The following LY75 variants were observed in gnomAD, a reference collection of about 807,000 sequenced individuals.
The protein encoded by LY75 is lymphocyte antigen 75.
A neutral mutation model predicts 231.7 loss-of-function variants in LY75; 185 were observed. The observed-to-expected ratio is 0.80, with a 90% CI of 0.71 to 0.90. LY75 has a LOEUF of 0.90. Among genes scored for constraint, LY75 ranks in the 40% least tolerant of loss-of-function variants. The pLI, the probability that LY75 is intolerant of heterozygous loss-of-function variation, is 0.00. For synonymous variants in LY75, 668 were observed against 689.0 expected (o/e 0.97, Z 0.48); for missense variants, 1,947 against 2,050.2 (o/e 0.95, Z 0.97).
At chr2:159,876,239 G>A (rs1685263009) in intron 11 of LY75, among the ~76,000 whole-genome samples, 1 of 152,170 alleles carries the variant, frequency 6.6e-6, no homozygotes, top group African/African-American at 2.4e-5. Flanking sequence ...TGTAAATGAA[G>A]ACTAAGTAAC....
chr2:159,852,555 A>G (rs1255130565), intron 20 of LY75, among the ~76,000 whole-genome samples: 1 of 151,852 alleles, frequency 6.6e-6, no homozygotes, highest in Non-Finnish European at 1.5e-5. Flanking sequence ...AGAAGCTGGG[A>G]TTGCAGGTGC....
intron 3 of LY75, among the ~76,000 whole-genome samples, chr2:159,892,356 G>C (rs568157077): frequency 2.0e-5 from 3 of 152,296 alleles, no homozygotes; most frequent in South Asian, 4.1e-4. Context: ...GGACTTCATA[G>C]CCAGACTTCC....
intron 1 of LY75, among the ~76,000 whole-genome samples, chr2:159,901,907 A>C (rs1374831883): frequency 6.6e-6 from 1 of 152,222 alleles, no homozygotes; most frequent in African/African-American, 2.4e-5. Context: ...CTATCCTTTC[A>C]TGATGCTTCC....
rs1191956029 is a variant in LY75, at chr2:159,889,272, A to C, written c.802+941T>G. On this transcript the variant is annotated intron_variant, in intron 4 of 34. Transcript: ENST00000263636. Reference sequence around the variant, plus strand: ...AAGACAAGGTCTTCCTCTATCACTCAGGCTGGAGTGCAGTGATGCCATCAT... The same window carrying C: ...AAGACAAGGTCTTCCTCTATCACTCCGGCTGGAGTGCAGTGATGCCATCAT... Among the ~76,000 whole-genome samples, 3 of 152,206 alleles carry C rather than the reference A, an allele frequency of 2.0e-5. No homozygotes were observed. The East Asian group carries it at 5.8e-4, about 29-fold the overall frequency.
At chr2:159,879,984 T>A (rs1685385850) in intron 8 of LY75, among the ~76,000 whole-genome samples, 1 of 152,214 alleles carries the variant, frequency 6.6e-6, no homozygotes, top group Non-Finnish European at 1.5e-5. Flanking sequence ...TGGAATGCTG[T>A]CTAGGTATGC....
chr2:159,828,051 C>T (rs958534530), intron 28 of LY75, among the ~76,000 whole-genome samples: 3 of 150,954 alleles, frequency 2.0e-5, no homozygotes, highest in Admixed American at 2.0e-4. Context: ...CATGTGTATA[C>T]CTATGTAACA....
At chr2:159,897,324 C>T (rs1685934192) in intron 2 of LY75, among the ~76,000 whole-genome samples, 1 of 152,120 alleles carries the variant, frequency 6.6e-6, no homozygotes, top group South Asian at 2.1e-4. Context: ...TGTGTTTCCT[C>T]TTAGTTGGCA....
intron 1 of LY75, among the ~76,000 whole-genome samples, chr2:159,900,091 T>C (rs1020988292): frequency 6.6e-6 from 1 of 152,038 alleles, no homozygotes; most frequent in Non-Finnish European, 1.5e-5. Flanking sequence ...GTTTGGACAA[T>C]GGAAAACCCA....
At chr2:159,831,514 CAT>C in intron 28 of LY75, among the ~76,000 whole-genome samples, 154 bp downstream of exon 28, 1 of 152,174 alleles carries the variant, frequency 6.6e-6, no homozygotes, top group East Asian at 1.9e-4. Flanking sequence ...AGAGCAGAGA[CAT>C]AAAAACTGTC....
At chr2:159,887,116 T>C (rs906800458) in intron 4 of LY75, among the ~76,000 whole-genome samples, 2 of 147,592 alleles carry the variant, frequency 1.4e-5, no homozygotes, top group Non-Finnish European at 3.0e-5. Flanking sequence ...AATATATATA[T>C]ATATTATATA....
Position 159,808,496 on chromosome 2 carries a change from T to C in LY75, c.4775A>G (p.Asn1592Ser), listed in dbSNP as rs1160739835. 5 of 1,613,860 alleles carry C rather than the reference T, an allele frequency of 3.1e-6. No homozygotes were observed. Among genetic ancestry groups the C allele is most frequent in the Non-Finnish European group, 3.4e-6 (4 of 1,179,982 alleles). The change falls in exon 33 of 35, where the codon AAT becomes AGT. Residue 1592 changes from asparagine to serine, a missense_variant. Coordinates refer to ENST00000263636, the MANE Select transcript of LY75 (RefSeq NM_002349.4). ...AAGCCAAACTCTCATGGTAATGTTATTATTTTCCCTCATCAGTCTGCTCAC... is the reference window on the plus strand; with the variant it reads ...AAGCCAAACTCTCATGGTAATGTTACTATTTTCCCTCATCAGTCTGCTCAC... ...KFVSRLMREN[N>S]NITMRVWLGL...
intron 18 of LY75, among the ~76,000 whole-genome samples, 197 bp from the exon 19 acceptor site, chr2:159,853,894 T>C (rs1365019369): frequency 1.3e-5 from 2 of 152,238 alleles, no homozygotes; most frequent in African/African-American, 4.8e-5. Context: ...GATCCTATTG[T>C]GGGTACAGGA....
At chr2:159,875,202 G>T (rs1394212693) in intron 12 of LY75, among the ~76,000 whole-genome samples, 1 of 151,734 alleles carries the variant, frequency 6.6e-6, no homozygotes, top group African/African-American at 2.4e-5. Context: ...GGGAAAAAAA[G>T]ACCTTGGGGT....
At position 159,875,499 on chromosome 2, in the gene LY75, TC is replaced by T; in HGVS notation, c.1918del (p.Asp640MetfsTer27). ...CTGCCAGCCTTCAGGACAGGGGTCA[TC>T]AGGCTTAGGGGATGCTTCTTCAGGC... Reference protein sequence around the residue: ...LGPEEASPKPDDPCPEGWQSF... With the variant: ...LGPEEASPKPXDPCPEGWQSF... On this transcript the variant is annotated frameshift_variant, in exon 12 of 35. Transcript: ENST00000263636. LOFTEE classifies it high-confidence loss of function. 6.2e-7 allele frequency: 1 copy of T among 1,614,060 alleles called. No homozygotes were observed. Among genetic ancestry groups the T allele is most frequent in the Non-Finnish European group, 8.5e-7 (1 of 1,179,976 alleles).
Position 159,890,386 on chromosome 2 carries a change from A to C in LY75, c.638-9T>G, listed in dbSNP as rs752260694. 6.2e-7 allele frequency: 1 copy of C among 1,612,574 alleles called. No individual in the cohort carries two copies. Among genetic ancestry groups the C allele is most frequent in the Non-Finnish European group, 8.5e-7 (1 of 1,179,422 alleles). On this transcript the variant is annotated splice_polypyrimidine_tract_variant and intron_variant, in intron 3 of 34. Coordinates refer to ENST00000263636, the MANE Select transcript of LY75 (RefSeq NM_002349.4). ...ATCTTCACAACCGTTTTCTGTTGAT[A>C]AAGACACGTTAGTGATCATAAAGTA...
At chr2:159,874,190 ATATAT>A (rs1685120114) in intron 12 of LY75, among the ~76,000 whole-genome samples, 1 of 115,104 alleles carries the variant, frequency 8.7e-6, no homozygotes, top group East Asian at 2.6e-4. Flanking sequence ...ATATATATAA[ATATAT>A]TGTAAATATA....
rs546065723 is a variant in LY75, at chr2:159,902,302, G to A, written c.94+2287C>T. On this transcript the variant is annotated intron_variant, in intron 1 of 34. Transcript: ENST00000263636. The stretch of plus-strand genomic sequence containing the variant: ...CCTCATTACCCCCTAGATGCATTTT[G>A]TATATGCTTCATGTTATATAAATTC... 1.2e-4 allele frequency: 18 copies of A among 152,260 alleles called. 1 individual carries two copies. In the South Asian group the frequency reaches 3.7e-3, roughly 32 times the overall value. 9.4% of individuals were successfully genotyped at this position (152,260 alleles called of 1,614,324 possible).
Position 159,860,849 on chromosome 2 carries a change from T to A in LY75, c.2240A>T (p.Tyr747Phe), listed in dbSNP as rs754421330. ...IIMPNEFQQD[Y>F]DIRDCAAVKV... ...GACAGCAGCACAGTCTCTGATGTCA[T>A]AATCCTGCTGAAACTCATTTGGCAT... The change falls in exon 15 of 35, where the codon TAT becomes TTT. Residue 747 changes from tyrosine (Y) to phenylalanine (F), a missense_variant. Transcript: ENST00000263636. 6.2e-7 allele frequency: 1 copy of A among 1,614,036 alleles called. No individual in the cohort carries two copies. The highest frequency in any genetic ancestry group is 8.5e-7 in the Non-Finnish European group (1 of 1,179,928).
At chr2:159,842,476 A>C in intron 23 of LY75, 102 bp from the exon 24 acceptor site, 2 of 1,364,962 alleles carry the variant, frequency 1.5e-6, no homozygotes, top group Non-Finnish European at 9.6e-7. Context: ...CCCCTATAAA[A>C]GAATTCCATG....
Sources: gnomAD v4.1 joint callset for allele counts (sites outside exome capture counted in the v4.1 genomes callset) on GRCh38, gnomAD v4.1.1 for gene constraint, MANE v1.5 for transcripts, NCBI Gene and HGNC (gene_info 2026-07-23, HGNC 2026-07-21) for gene names.